TREML4: variants seen among roughly 807,000 people sequenced by gnomAD.
The protein encoded by TREML4 is triggering receptor expressed on myeloid cells like 4, also known as trem-like transcript 4 protein.
Under a neutral mutation model 25.4 loss-of-function variants are expected in TREML4, and 25 were observed. The ratio of observed to expected loss-of-function variants is 0.98; its 90% CI spans 0.72 to 1.37. The LOEUF (loss-of-function observed/expected upper bound fraction) is 1.37, where lower values mean the gene tolerates loss of function less well. Ranked by LOEUF, TREML4 falls within the 40% of genes most tolerant of loss-of-function variation. The pLI is 0.00. For missense variants in TREML4, 268 were observed against 236.5 expected (o/e 1.13, Z -0.87); for synonymous variants, 92 against 87.9 (o/e 1.05, Z -0.26).
chr6:41,231,112 G>T, intron 4 of TREML4: 1 of 443,738 alleles, frequency 2.3e-6, no homozygotes, highest in Non-Finnish European at 4.6e-6. Context: ...CAAGTTCAGG[G>T]CTCCCACAGA....
chr6:41,235,359 T>C (rs372439399), intron 4 of TREML4, among the ~76,000 whole-genome samples: 50 of 152,234 alleles, frequency 3.3e-4, no homozygotes, highest in African/African-American at 1.2e-3. Flanking sequence ...ACAGGTTACA[T>C]GAAAGAAGAT....
intron 3 of TREML4, among the ~76,000 whole-genome samples, chr6:41,229,793 G>A (rs973266206): frequency 4.6e-5 from 7 of 152,170 alleles, no homozygotes; most frequent in Admixed American, 1.3e-4. Context: ...GATGATGGGA[G>A]GGTGTCCCCA....
chr6:41,231,866 A>T (rs1766806445), intron 4 of TREML4, among the ~76,000 whole-genome samples: 2 of 152,182 alleles, frequency 1.3e-5, no homozygotes, highest in South Asian at 4.1e-4. Flanking sequence ...TTGGAGAAAG[A>T]ATCCAGGAAA....
chr6:41,237,942 T>C lies in TREML4; in HGVS notation c.*923T>C, dbSNP rs1158112677. The C allele has an allele frequency of 6.6e-6, 1 of 152,212 alleles. No homozygotes were observed. The highest frequency in any genetic ancestry group is 1.5e-5 in the Non-Finnish European group (1 of 68,042). The allele number at this position is 152,212 out of a possible 1,614,324, so 9.4% of individuals were successfully genotyped here. On this transcript the variant is annotated 3_prime_UTR_variant, in exon 6 of 6. Coordinates refer to ENST00000341495, the MANE Select transcript of TREML4 (RefSeq NM_198153.3). ...AGGGAACAGAAGAGGAGCACATATT[T>C]ATGAAGCAAGAATAGGTACAGTCAT...
At chr6:41,235,178 A>T (rs1393951678) in intron 4 of TREML4, among the ~76,000 whole-genome samples, 1 of 152,128 alleles carries the variant, frequency 6.6e-6, no homozygotes, top group African/African-American at 2.4e-5. Context: ...TATCTGAAAA[A>T]GCTCTTAATA....
At chr6:41,231,065 C>T (rs1766786408) in intron 4 of TREML4, 1 of 421,616 alleles carries the variant, frequency 2.4e-6, no homozygotes, top group South Asian at 1.7e-5. Context: ...CACTGTCTCC[C>T]ATCACTCCCA....
At chr6:41,229,986 T>G in intron 3 of TREML4, 76 bp from the exon 4 acceptor site, 1 of 1,296,366 alleles carries the variant, frequency 7.7e-7, no homozygotes, top group East Asian at 2.3e-5. Flanking sequence ...CCCCTTCCTC[T>G]CACACTTTTG....
chr6:41,230,229 T>A, intron 4 of TREML4, 107 bp downstream of exon 4: 1 of 940,922 alleles, frequency 1.1e-6, no homozygotes, highest in Non-Finnish European at 1.7e-6. Flanking sequence ...CCTTCTCTGG[T>A]GGGTTGGGGC....
chr6:41,230,171 C>A, intron 4 of TREML4, 49 bp downstream of exon 4: 5 of 1,453,304 alleles, frequency 3.4e-6, no homozygotes, highest in Non-Finnish European at 4.8e-6. Context: ...GAAGGGAGGG[C>A]CTGATTAGCT....
Position 41,230,066 on chromosome 6 carries a change from G to C in TREML4, c.450G>C (p.Leu150=), listed in dbSNP as rs768117040. The change falls in exon 4 of 6, where the codon CTG becomes CTC. Residue 150 remains leucine (L), a synonymous_variant. Coordinates refer to ENST00000341495, the MANE Select transcript of TREML4 (RefSeq NM_198153.3). Reference sequence around the variant, plus strand: ...TCTTCTTTGTGTCCTCTTTAGTTCTGATCACTTCTCCAGAGGGGACCTCTG... The same window carrying C: ...TCTTCTTTGTGTCCTCTTTAGTTCTCATCACTTCTCCAGAGGGGACCTCTG... The part of the protein sequence containing the change: ...TLPWLPTSTV[L]ITSPEGTSGH... The C allele has an allele frequency of 6.2e-7, 1 of 1,611,088 alleles. No homozygotes were observed. The highest frequency in any genetic ancestry group is 8.5e-7 in the Non-Finnish European group (1 of 1,177,304).
rs1257797725 is a variant in TREML4, at chr6:41,237,583, T to A, written c.*564T>A. On this transcript the variant is annotated 3_prime_UTR_variant, in exon 6 of 6. Coordinates refer to ENST00000341495, the MANE Select transcript of TREML4 (RefSeq NM_198153.3). Reference sequence around the variant, plus strand: ...GCAGCTGAGCAAGACAGCAGTTGTATCCCCTCACCTTCCTCCCGTCCCACC... The same window carrying A: ...GCAGCTGAGCAAGACAGCAGTTGTAACCCCTCACCTTCCTCCCGTCCCACC... 1 of 152,112 alleles carries A rather than the reference T, an allele frequency of 6.6e-6. No homozygotes were observed. Among genetic ancestry groups the A allele is most frequent in the Non-Finnish European group, 1.5e-5 (1 of 68,044 alleles). 9.4% of individuals were successfully genotyped at this position (152,112 alleles called of 1,614,324 possible).
chr6:41,229,150 A>C (rs2627557), intron 2 of TREML4, 106 bp downstream of exon 2: 898,765 of 999,246 alleles, frequency 0.9, 405,209 homozygotes, highest in East Asian at 0.96. Context: ...CCTGCCAGGT[A>C]TTCTGCTGTG....
chr6:41,236,554 T>A lies in TREML4; in HGVS notation c.575T>A (p.Leu192His). 1 of 1,614,068 alleles carries A rather than the reference T, an allele frequency of 6.2e-7. No individual in the cohort carries two copies. Among genetic ancestry groups the A allele is most frequent in the Non-Finnish European group, 8.5e-7 (1 of 1,179,972 alleles). ...PRFLVLVLCGLLLAKGLML is the reference protein window; with the variant it reads ...PRFLVLVLCGHLLAKGLML ...TTCCTGGTCTTGGTGCTATGTGGACTCCTCCTGGCCAAGGGCCTGATGTTG... is the reference window on the plus strand; with the variant it reads ...TTCCTGGTCTTGGTGCTATGTGGACACCTCCTGGCCAAGGGCCTGATGTTG... The change falls in exon 5 of 6, where the codon CTC (leucine) becomes CAC (histidine). Residue 192 changes from leucine to histidine, a missense_variant. Transcript: ENST00000341495.
intron 1 of TREML4, 66 bp downstream of exon 1, chr6:41,228,556 C>T: frequency 6.4e-7 from 1 of 1,552,320 alleles, no homozygotes; most frequent in South Asian, 1.2e-5. Flanking sequence ...GGGCAGGGAG[C>T]AGCATGGCTG....
rs2101269 is a variant in TREML4 at position 41,228,989 on chromosome 6, C to A, written c.339C>A (p.Asn113Lys). ...DSGFYWCGIY[N>K]ASENIITVLR... ...GATTCTACTGGTGTGGAATCTACAA[C>A]GCTTCCGAAAACATCATCACTGTTC... The change falls in exon 2 of 6, where the codon AAC becomes AAA. Residue 113 changes from asparagine to lysine, a missense_variant. Transcript: ENST00000341495. The A allele has an allele frequency of 6.2e-7, 1 of 1,613,896 alleles. No homozygotes were observed. Among genetic ancestry groups the A allele is most frequent in the Admixed American group, 1.7e-5 (1 of 60,006 alleles).
At chr6:41,236,671 T>C in intron 5 of TREML4, 54 bp downstream of exon 5, 1 of 1,021,536 alleles carries the variant, frequency 9.8e-7, no homozygotes, top group Non-Finnish European at 1.5e-6. Context: ...CAGATTCTGT[T>C]CCTAGAAAGA....
At chr6:41,233,308 G>T (rs749842772) in intron 4 of TREML4, among the ~76,000 whole-genome samples, 2 of 151,944 alleles carry the variant, frequency 1.3e-5, no homozygotes, top group Non-Finnish European at 2.9e-5. Context: ...ATAAGGACAG[G>T]GACACTCTGA....
Position 41,229,115 on chromosome 6 carries a change from C to A in TREML4, c.394+71C>A, listed in dbSNP as rs1030535637. 5 of 1,316,614 alleles carry A rather than the reference C, an allele frequency of 3.8e-6. No individual in the cohort carries two copies. In the Admixed American group the frequency reaches 5.8e-5, roughly 15 times the overall value. The allele number at this position is 1,316,614 out of a possible 1,614,324, so 81.6% of individuals were successfully genotyped here. On this transcript the variant is annotated intron_variant, in intron 2 of 5. Coordinates refer to ENST00000341495, the MANE Select transcript of TREML4 (RefSeq NM_198153.3). ...ACCTGAAGGAAATGTCATGCACCCC[C>A]TCCCATGCCTCTATCATCCCCCATC...
At chr6:41,230,015 T>C (rs1561901401) in intron 3 of TREML4, 47 bp from the exon 4 acceptor site, 2 of 1,515,898 alleles carry the variant, frequency 1.3e-6, no homozygotes, top group East Asian at 2.3e-5. Context: ...TCCCATTCTC[T>C]ATTCTGGTGC....
Sources: allele counts gnomAD v4.1 joint callset (sites outside exome capture counted in the v4.1 genomes callset), GRCh38; gene constraint gnomAD v4.1.1; transcripts MANE v1.5; gene names NCBI Gene and HGNC (gene_info 2026-07-23, HGNC 2026-07-21).